Variants in CDH7 observed in about 807,000 individuals in gnomAD.
CDH7 encodes the protein cadherin-7.
In CDH7, 25 loss-of-function variants were observed where a neutral mutation model predicts 71.8. The ratio of observed to expected loss-of-function variants is 0.35; its 90% confidence interval spans 0.25 to 0.49. The LOEUF is 0.49. Among genes scored for constraint, CDH7 ranks in the 20% least tolerant of loss-of-function variants. CDH7 has a pLI of 0.99. For missense variants in CDH7, 862 were observed against 974.6 expected (o/e 0.88, Z 1.54); for synonymous variants, 381 against 363.8 (o/e 1.05, Z -0.54).
At chr18:65,770,588 G>A (rs1010712227) in intron 2 of CDH7, among the ~76,000 whole-genome samples, 7 of 152,092 alleles carry the variant, frequency 4.6e-5, no homozygotes, top group Non-Finnish European at 8.8e-5. Context: ...TATTCCTGTT[G>A]CCTAGTCAGT....
At chr18:65,843,773 T>A (rs1462374256) in intron 6 of CDH7, 39 bp from the exon 7 acceptor site, 1 of 1,468,926 alleles carries the variant, frequency 6.8e-7, no homozygotes, top group African/African-American at 1.4e-5. Context: ...GCTGACTGTT[T>A]AACCGGTAAT....
chr18:65,878,474 G>A (rs1371596512), intron 11 of CDH7, among the ~76,000 whole-genome samples: 4 of 152,176 alleles, frequency 2.6e-5, no homozygotes, highest in African/African-American at 4.8e-5. Flanking sequence ...TGCAGCTGCT[G>A]TTGTAGCATT....
At chr18:65,877,114 T>C (rs1213566671) in intron 11 of CDH7, among the ~76,000 whole-genome samples, 2 of 152,218 alleles carry the variant, frequency 1.3e-5, no homozygotes, top group Non-Finnish European at 2.9e-5. Flanking sequence ...TTCTATTTTT[T>C]ATATGCGCTT....
chr18:65,834,553 C>G (rs9789160), intron 6 of CDH7, among the ~76,000 whole-genome samples: 144,439 of 152,300 alleles, frequency 0.95, 68,675 homozygotes, highest in East Asian at 1. Flanking sequence ...TATTTTAAGA[C>G]GGGTTAAAAA....
At chr18:65,836,669 G>C (rs1278957931) in intron 6 of CDH7, among the ~76,000 whole-genome samples, 1 of 130,692 alleles carries the variant, frequency 7.7e-6, no homozygotes, top group Non-Finnish European at 1.6e-5. Context: ...TAATATCTGT[G>C]TTCAAGTATA....
At chr18:65,790,391 G>T (rs1049061714) in intron 2 of CDH7, among the ~76,000 whole-genome samples, 5 of 152,056 alleles carry the variant, frequency 3.3e-5, no homozygotes, top group South Asian at 2.1e-4. Flanking sequence ...AGAGTAGACT[G>T]TAAGCTTGAT....
intron 11 of CDH7, among the ~76,000 whole-genome samples, chr18:65,872,518 A>C (rs1000665308): frequency 6.6e-6 from 1 of 152,162 alleles, no homozygotes; most frequent in African/African-American, 2.4e-5. Context: ...GATGACCCTG[A>C]AAAGAGTGGG....
chr18:65,772,904 A>G (rs1005368762), intron 2 of CDH7, among the ~76,000 whole-genome samples: 1 of 152,150 alleles, frequency 6.6e-6, no homozygotes, highest in Non-Finnish European at 1.5e-5. Context: ...CACAGTGGAT[A>G]TTTGTGACCA....
chr18:65,844,305 A>G (rs920808367), intron 7 of CDH7, among the ~76,000 whole-genome samples: 3 of 151,404 alleles, frequency 2.0e-5, no homozygotes, highest in African/African-American at 2.4e-5. Context: ...CTCCATTACT[A>G]TCCACAAGCC....
intron 1 of CDH7, among the ~76,000 whole-genome samples, chr18:65,761,160 G>A (rs1292390330): frequency 1.3e-5 from 2 of 152,094 alleles, no homozygotes; most frequent in Admixed American, 6.6e-5. Flanking sequence ...GTAATTAGAT[G>A]AACATTGGCT....
intron 2 of CDH7, among the ~76,000 whole-genome samples, chr18:65,793,033 C>T (rs1265711481): frequency 6.6e-6 from 1 of 152,062 alleles, no homozygotes; most frequent in African/African-American, 2.4e-5. Context: ...TTTAGTTGTA[C>T]TGGGAGATTT....
chr18:65,782,073 T>TC (rs1568182374), intron 2 of CDH7, among the ~76,000 whole-genome samples: 2 of 61,446 alleles, frequency 3.3e-5, no homozygotes, highest in Admixed American at 1.5e-4. Flanking sequence ...TTTCTTTCTT[T>TC]CTTTCTTTCC....
At chr18:65,878,018 C>T (rs77953597) in intron 11 of CDH7, among the ~76,000 whole-genome samples, 2,344 of 151,980 alleles carry the variant, frequency 0.015, 53 homozygotes, top group African/African-American at 0.049. Flanking sequence ...TATGCCTCAC[C>T]CCTCACTATT....
chr18:65,800,984 G>A (rs1238364728), intron 2 of CDH7, among the ~76,000 whole-genome samples: 1 of 152,018 alleles, frequency 6.6e-6, no homozygotes, highest in African/African-American at 2.4e-5. Flanking sequence ...TGAACCCCGG[G>A]CTCAGCTTGG....
chr18:65,834,004 C>T lies in CDH7; in HGVS notation c.981+9173C>T, dbSNP rs971577737. On this transcript the variant is annotated intron_variant, in intron 6 of 11. Coordinates refer to ENST00000397968, the MANE Select transcript of CDH7 (RefSeq NM_004361.5). ...ATTATGGAATTTATTTTGCTGAGTA[C>T]AAGTCACAGATCATGTAAAATTGTC... 7.2e-5 allele frequency among the ~76,000 whole-genome samples: 11 copies of T among 152,204 alleles called. No homozygotes were observed. In the East Asian group the frequency reaches 2.1e-3, roughly 29 times the overall value.
At chr18:65,822,278 C>T in intron 5 of CDH7, 30 bp downstream of exon 5, 1 of 1,564,088 alleles carries the variant, frequency 6.4e-7, no homozygotes. Flanking sequence ...GACACAAGTG[C>T]AATAACTTTC....
chr18:65,797,307 C>G (rs1434337250), intron 2 of CDH7, among the ~76,000 whole-genome samples: 1 of 152,168 alleles, frequency 6.6e-6, no homozygotes, highest in African/African-American at 2.4e-5. Context: ...TCTTCCACCT[C>G]ACTCTCTTTT....
chr18:65,776,073 C>T (rs1205615319), intron 2 of CDH7, among the ~76,000 whole-genome samples: 1 of 152,042 alleles, frequency 6.6e-6, no homozygotes, highest in Non-Finnish European at 1.5e-5. Context: ...ACACATACAT[C>T]CCTTTTGGTA....
intron 1 of CDH7, among the ~76,000 whole-genome samples, chr18:65,752,713 A>G (rs1915919254): frequency 6.6e-6 from 1 of 152,198 alleles, no homozygotes; most frequent in Non-Finnish European, 1.5e-5. Context: ...ATGGAGTGGG[A>G]TAGCAGAGCA....
Sources: gnomAD v4.1 joint callset for allele counts (sites outside exome capture counted in the v4.1 genomes callset) on GRCh38, gnomAD v4.1.1 for gene constraint, MANE v1.5 for transcripts, NCBI Gene and HGNC (gene_info 2026-07-23, HGNC 2026-07-21) for gene names.